The following QRFPR variants were observed in gnomAD, a reference collection of about 807,000 sequenced individuals.
The protein encoded by QRFPR is pyroglutamylated RFamide peptide receptor.
In QRFPR, 37 loss-of-function variants were observed where a neutral mutation model predicts 31.3. The ratio of observed to expected loss-of-function variants is 1.18; its 90% CI spans 0.91 to 1.56. The LOEUF (loss-of-function observed/expected upper bound fraction) is 1.56. Ranked by LOEUF, QRFPR falls within the 40% of genes most tolerant of loss-of-function variation. The probability of loss-of-function intolerance (pLI) is 0.00; values close to 1 mark genes in which losing one functional copy is unlikely to be tolerated. For synonymous variants in QRFPR, 197 were observed against 192.0 expected, an observed-to-expected ratio of 1.03 and a Z score of -0.22; for missense variants, 542 against 532.5, an observed-to-expected ratio of 1.02 and a Z score of -0.18.
intron 1 of QRFPR, among the ~76,000 whole-genome samples, chr4:121,380,029 G>A (rs1469255874): frequency 6.6e-6 from 1 of 151,944 alleles, no homozygotes; most frequent in East Asian, 1.9e-4. Flanking sequence ...ATGTCTCTAA[G>A]CCACAAGGAG....
chr4:121,351,688 G>T (rs1403525285), intron 1 of QRFPR, among the ~76,000 whole-genome samples: 1 of 151,970 alleles, frequency 6.6e-6, no homozygotes, highest in Non-Finnish European at 1.5e-5. Flanking sequence ...TTAGGCATTA[G>T]AAAGAATTTC....
Position 121,380,424 on chromosome 4 carries a change from G to C in QRFPR, c.224C>G (p.Ala75Gly), listed in dbSNP as rs2110488572. 1 of 1,614,206 alleles carries C rather than the reference G, an allele frequency of 6.2e-7. No homozygotes were observed. The highest frequency in any genetic ancestry group is 2.2e-5 in the East Asian group (1 of 44,876). Residue 75 changes from alanine to glycine, a missense_variant, in exon 1 of 6, where the codon GCC becomes GGC. Transcript: ENST00000394427. ...AAAGATGTTGGTGACGGTGCGCATGGCCTTGCTGCGGGTCACCACGTAGAA... is the reference window on the plus strand; with the variant it reads ...AAAGATGTTGGTGACGGTGCGCATGCCCTTGCTGCGGGTCACCACGTAGAA... ...LVFYVVTRSK[A>G]MRTVTNIFIC...
chr4:121,336,938 C>T, intron 2 of QRFPR, 70 bp from the exon 3 acceptor site: 1 of 1,355,684 alleles, frequency 7.4e-7, no homozygotes, highest in Non-Finnish European at 1.1e-6. Flanking sequence ...AATTATCTAA[C>T]CCTCAAGATT....
chr4:121,369,370 A>T, intron 1 of QRFPR: 1 of 664,800 alleles, frequency 1.5e-6, no homozygotes, highest in South Asian at 2.0e-5. Flanking sequence ...CAAAGCCAAG[A>T]TAAAAGGGCA....
chr4:121,329,062 T>G lies in QRFPR; in HGVS notation c.*252A>C. ...AGCCACCGTGCCTGGCCTTCCATGT[T>G]GCTTTTTTAAGGCTAGTCAAGTGAA... On this transcript the variant is annotated 3_prime_UTR_variant, in exon 6 of 6. Coordinates refer to ENST00000394427, the MANE Select transcript of QRFPR (RefSeq NM_198179.3). The G allele has an allele frequency of 3.0e-6, 1 of 336,062 alleles. No homozygotes were observed. The highest frequency in any genetic ancestry group is 2.1e-5 in the African/African-American group (1 of 46,868). 20.8% of individuals were successfully genotyped at this position (336,062 alleles called of 1,614,324 possible).
Position 121,380,416 on chromosome 4 carries a change from T to G in QRFPR, c.232A>C (p.Thr78Pro). 6.2e-7 allele frequency: 1 copy of G among 1,614,202 alleles called. No homozygotes were observed. The highest frequency in any genetic ancestry group is 8.5e-7 in the Non-Finnish European group (1 of 1,180,020). ...GAGCAGATAAAGATGTTGGTGACGG[T>G]GCGCATGGCCTTGCTGCGGGTCACC... ...YVVTRSKAMR[T>P]VTNIFICSLA... The change falls in exon 1 of 6, where the codon ACC becomes CCC. Residue 78 changes from threonine (T) to proline (P), a missense_variant. By Grantham distance (38) the Thr-to-Pro change is conservative. Transcript: ENST00000394427.
intron 1 of QRFPR, among the ~76,000 whole-genome samples, chr4:121,377,305 G>T (rs552918865): frequency 3.9e-5 from 6 of 152,050 alleles, no homozygotes; most frequent in African/African-American, 1.4e-4. Context: ...TTTTGTCGCC[G>T]TTGCTTCCTG....
chr4:121,364,521 T>C lies in QRFPR; in HGVS notation c.340+15787A>G, dbSNP rs1319521992. 2.7e-5 allele frequency among the ~76,000 whole-genome samples: 4 copies of C among 148,702 alleles called. 1 individual carries two copies. The highest frequency in any genetic ancestry group is 4.5e-5 in the Non-Finnish European group (3 of 67,320). On this transcript the variant is annotated intron_variant, in intron 1 of 5. Coordinates refer to ENST00000394427, the MANE Select transcript of QRFPR (RefSeq NM_198179.3). ...CAGGCATGGTGGCGGGTGCCTATAG[T>C]CCCAGCTACTCTGGAAGCTGAGGCA... is the stretch of plus-strand genomic sequence containing the variant.
At chr4:121,372,444 G>T (rs1160843898) in intron 1 of QRFPR, among the ~76,000 whole-genome samples, 3 of 152,082 alleles carry the variant, frequency 2.0e-5, no homozygotes, top group African/African-American at 7.2e-5. Context: ...TAAAATTTAT[G>T]ATTTTAGCCA....
intron 1 of QRFPR, among the ~76,000 whole-genome samples, chr4:121,350,543 T>C (rs1217537724): frequency 6.6e-6 from 1 of 152,208 alleles, no homozygotes; most frequent in Non-Finnish European, 1.5e-5. Flanking sequence ...TCACAAAGAA[T>C]GGTTTACATT....
chr4:121,354,932 TA>T (rs1292445140), intron 1 of QRFPR, among the ~76,000 whole-genome samples: 1 of 152,146 alleles, frequency 6.6e-6, no homozygotes, highest in Non-Finnish European at 1.5e-5. Context: ...TTGATCATAA[TA>T]AATCATCTTT....
chr4:121,356,632 G>A (rs889628719), intron 1 of QRFPR, among the ~76,000 whole-genome samples: 5 of 152,152 alleles, frequency 3.3e-5, no homozygotes, highest in African/African-American at 4.8e-5. Context: ...GTACTAGGGG[G>A]CAGCCTAAGA....
intron 1 of QRFPR, among the ~76,000 whole-genome samples, chr4:121,348,671 A>G (rs912136134): frequency 6.6e-6 from 1 of 152,188 alleles, no homozygotes; most frequent in Non-Finnish European, 1.5e-5. Context: ...ATATCTTAAA[A>G]TGGCTGTAGT....
intron 1 of QRFPR, among the ~76,000 whole-genome samples, chr4:121,357,860 G>T (rs1157143852): frequency 1.3e-5 from 2 of 152,150 alleles, no homozygotes; most frequent in African/African-American, 4.8e-5. Context: ...AGGGGCTTCA[G>T]GGGGAGAGGA....
At chr4:121,377,343 C>T (rs1473538757) in intron 1 of QRFPR, among the ~76,000 whole-genome samples, 1 of 151,908 alleles carries the variant, frequency 6.6e-6, no homozygotes, top group African/African-American at 2.4e-5. Flanking sequence ...GTTTGTGTTT[C>T]CTACCTCACC....
intron 1 of QRFPR, among the ~76,000 whole-genome samples, chr4:121,342,384 C>A (rs1725559984): frequency 6.6e-6 from 1 of 151,834 alleles, no homozygotes; most frequent in African/African-American, 2.4e-5. Flanking sequence ...GTGAGCCAAT[C>A]CCTCATAATT....
At chr4:121,359,760 T>C (rs529607733) in intron 1 of QRFPR, among the ~76,000 whole-genome samples, 16 of 138,054 alleles carry the variant, frequency 1.2e-4, no homozygotes, top group Admixed American at 9.4e-4. Flanking sequence ...TATATGGGAG[T>C]GTATATATAT....
chr4:121,336,718 A>G (rs1461834605), intron 3 of QRFPR, 89 bp downstream of exon 3: 1 of 1,027,318 alleles, frequency 9.7e-7, no homozygotes, highest in Non-Finnish European at 1.6e-6. Context: ...AATTTGCTGT[A>G]TTGCTCCTGC....
chr4:121,380,186 GGAGAGAGAGAGAGA>G (rs70950816), intron 1 of QRFPR, 108 bp downstream of exon 1: 2,451 of 235,514 alleles, frequency 0.01, 19 homozygotes, highest in African/African-American at 0.058. Context: ...AGACGAGAGA[GGAGAGAGAGAGAGA>G]GAGAGAGAGA....
Sources: allele counts gnomAD v4.1 joint callset (sites outside exome capture counted in the v4.1 genomes callset), GRCh38; gene constraint gnomAD v4.1.1; transcripts MANE v1.5; gene names NCBI Gene and HGNC (gene_info 2026-07-23, HGNC 2026-07-21).